Variants in PRSS38 observed in about 807,000 individuals in gnomAD.
PRSS38 encodes serine protease 38.
In PRSS38, 22 loss-of-function variants were observed where a neutral mutation model predicts 26.8. The observed-to-expected ratio is 0.82, with a 90% CI of 0.59 to 1.17. The LOEUF (loss-of-function observed/expected upper bound fraction) is 1.17, where lower values mean the gene tolerates loss of function less well. Ranked by LOEUF, PRSS38 falls within the 50% of genes most tolerant of loss-of-function variation. The probability of loss-of-function intolerance (pLI) is 0.00; values close to 1 mark genes in which losing one functional copy is unlikely to be tolerated. For missense variants in PRSS38, 427 were observed against 422.7 expected (o/e 1.01, Z -0.09); for synonymous variants, 175 against 172.1 (o/e 1.02, Z -0.13).
At chr1:227,830,748 G>A (rs1665142898) in intron 3 of PRSS38, among the ~76,000 whole-genome samples, 1 of 151,672 alleles carries the variant, frequency 6.6e-6, no homozygotes, top group South Asian at 2.1e-4. Context: ...CAGGTGATCT[G>A]CCCACCTCGG....
rs748789393 is a variant in PRSS38 at position 227,816,607 on chromosome 1, G to C, written c.311+355G>C. ...CAGCCTGGTCCCCATGTGCAAGGCT[G>C]GTCCCCTAAGTGCACGACCAGGTCC... On this transcript the variant is annotated intron_variant, in intron 2 of 4. Transcript: ENST00000366757. The surrounding 1 kb of genome is among the most constrained non-coding windows in gnomAD (Gnocchi z 5.1). Among the ~76,000 whole-genome samples the C allele has an allele frequency of 6.6e-6, 1 of 151,786 alleles. No individual in the cohort carries two copies. The highest frequency in any genetic ancestry group is 1.5e-5 in the Non-Finnish European group (1 of 67,948).
intron 3 of PRSS38, among the ~76,000 whole-genome samples, chr1:227,836,191 T>G (rs986123806): frequency 6.6e-6 from 1 of 152,060 alleles, no homozygotes; most frequent in Non-Finnish European, 1.5e-5. Flanking sequence ...CTCAACCTCC[T>G]AGGCTCCAGC....
intron 3 of PRSS38, among the ~76,000 whole-genome samples, chr1:227,843,352 T>C (rs1296520170): frequency 6.6e-6 from 1 of 152,034 alleles, no homozygotes; most frequent in African/African-American, 2.4e-5. Context: ...TTTTCCCTCT[T>C]CTCCCATTCT....
intron 3 of PRSS38, among the ~76,000 whole-genome samples, chr1:227,828,385 A>T (rs996770423): frequency 6.6e-5 from 10 of 152,140 alleles, no homozygotes; most frequent in African/African-American, 2.4e-4. Context: ...TATTGGGTGC[A>T]TATATATTTA....
intron 3 of PRSS38, among the ~76,000 whole-genome samples, chr1:227,832,610 C>G (rs1455152921): frequency 1.3e-5 from 2 of 152,104 alleles, no homozygotes; most frequent in Admixed American, 1.3e-4. Context: ...AATTAAGATG[C>G]CTGCTTTCAC....
At chr1:227,846,281 G>A in exon 5 of PRSS38, 5 of 1,565,868 alleles carry the variant, frequency 3.2e-6, no homozygotes, top group Non-Finnish European at 3.4e-6. Flanking sequence ...AGACCCCTAA[G>A]CATCTCCTGT....
intron 3 of PRSS38, among the ~76,000 whole-genome samples, chr1:227,829,781 G>A (rs1018321280): frequency 2.6e-5 from 4 of 152,148 alleles, no homozygotes; most frequent in African/African-American, 7.2e-5. Flanking sequence ...ACTTTCCAGT[G>A]TGGGTAGGCT....
intron 3 of PRSS38, among the ~76,000 whole-genome samples, chr1:227,831,032 T>G (rs896543851): frequency 1.3e-5 from 2 of 152,166 alleles, no homozygotes; most frequent in African/African-American, 4.8e-5. Flanking sequence ...TCTATTTCAT[T>G]GATTTCCACT....
chr1:227,818,429 A>G (rs1664953510), intron 3 of PRSS38, among the ~76,000 whole-genome samples: 2 of 152,184 alleles, frequency 1.3e-5, no homozygotes, highest in African/African-American at 4.8e-5. Flanking sequence ...TGTAAATCCC[A>G]GCACTTTGGG....
At chr1:227,827,745 T>G (rs1175368794) in intron 3 of PRSS38, among the ~76,000 whole-genome samples, 1 of 152,076 alleles carries the variant, frequency 6.6e-6, no homozygotes, top group Non-Finnish European at 1.5e-5. Context: ...TTTGGGGTTT[T>G]TTGCTCTTGG....
chr1:227,816,649 T>C lies in PRSS38; in HGVS notation c.311+397T>C, dbSNP rs1414636353. Among the ~76,000 whole-genome samples the C allele has an allele frequency of 4.0e-5, 6 of 151,394 alleles. No individual in the cohort carries two copies. Among genetic ancestry groups the C allele is most frequent in the African/African-American group, 7.3e-5 (3 of 41,084 alleles). On this transcript the variant is annotated intron_variant, in intron 2 of 4. Coordinates refer to ENST00000366757, the Ensembl canonical transcript of PRSS38. The surrounding 1 kb of genome is among the most constrained non-coding windows in gnomAD (Gnocchi z 5.1). ...ACCAGGTCCCCACGAGTGAGGCTGG[T>C]CCTCAAGGGCACAGCCAGATTCCCA...
intron 3 of PRSS38, among the ~76,000 whole-genome samples, chr1:227,829,945 G>C (rs1287573619): frequency 6.6e-6 from 1 of 152,066 alleles, no homozygotes; most frequent in South Asian, 2.1e-4. Flanking sequence ...GGGTTTTTTT[G>C]TAGATATCTT....
chr1:227,837,153 G>T (rs1441045262), intron 3 of PRSS38, among the ~76,000 whole-genome samples: 2 of 152,124 alleles, frequency 1.3e-5, no homozygotes, highest in Admixed American at 6.5e-5. Flanking sequence ...ACCATGCCTG[G>T]ATAGTTTTTA....
intron 3 of PRSS38, among the ~76,000 whole-genome samples, chr1:227,820,490 T>C (rs1664987482): frequency 6.6e-6 from 1 of 152,214 alleles, no homozygotes; most frequent in Admixed American, 6.5e-5. Flanking sequence ...TCAATTGAGA[T>C]GATCCTATGT....
At chr1:227,817,502 T>C (rs1455512823) in intron 3 of PRSS38, 22 bp downstream of exon 3, 2 of 1,609,374 alleles carry the variant, frequency 1.2e-6, no homozygotes. Context: ...GTGCAGGGCT[T>C]TGTGGGCAGG....
intron 3 of PRSS38, among the ~76,000 whole-genome samples, chr1:227,826,099 C>T (rs1464677527): frequency 1.3e-5 from 2 of 152,110 alleles, no homozygotes. Context: ...TCCTTCACTT[C>T]CCTTGTTAGC....
At chr1:227,844,981 G>C (rs193033307) in intron 3 of PRSS38, among the ~76,000 whole-genome samples, 1 of 134,300 alleles carries the variant, frequency 7.4e-6, no homozygotes, top group East Asian at 2.5e-4. Context: ...ACTCCTCCCT[G>C]TGTAGTGGGG....
intron 3 of PRSS38, among the ~76,000 whole-genome samples, chr1:227,835,665 G>A (rs12084558): frequency 0.12 from 17,691 of 152,116 alleles, 1,332 homozygotes; most frequent in East Asian, 0.22. Flanking sequence ...CAACACTGTC[G>A]AGCCTCAAAA....
At chr1:227,818,686 A>AAC (rs1324069657) in intron 3 of PRSS38, among the ~76,000 whole-genome samples, 13 of 151,840 alleles carry the variant, frequency 8.6e-5, no homozygotes, top group African/African-American at 2.4e-4. Context: ...AAAAAAAAAA[A>AAC]AAAAAAAAAA....
Sources: gnomAD v4.1 joint callset for allele counts (sites outside exome capture counted in the v4.1 genomes callset) on GRCh38, gnomAD v4.1.1 for gene constraint, Gnocchi (gnomAD v3.1) non-coding constraint, MANE v1.5 for transcripts, NCBI Gene and HGNC (gene_info 2026-07-23, HGNC 2026-07-21) for gene names.